DOCK8: variants seen among roughly 807,000 people sequenced by gnomAD.
DOCK8 encodes dedicator of cytokinesis protein 8.
Under a neutral mutation model 245.6 loss-of-function variants are expected in DOCK8, and 141 were observed. The ratio of observed to expected loss-of-function variants is 0.57; its 90% CI spans 0.50 to 0.66. The LOEUF (loss-of-function observed/expected upper bound fraction) is 0.66. Among genes scored for constraint, DOCK8 ranks in the 30% least tolerant of loss-of-function variants. The pLI, the probability that DOCK8 is intolerant of heterozygous loss-of-function variation, is 0.00. For missense variants in DOCK8, 2,965 were observed against 2,603.4 expected (o/e 1.14, Z -3.02); for synonymous variants, 1,168 against 970.2 (o/e 1.20, Z -3.79).
At chr9:367,302 G>C (rs2053052410) in intron 14 of DOCK8, among the ~76,000 whole-genome samples, 1 of 152,020 alleles carries the variant, frequency 6.6e-6, no homozygotes, top group Admixed American at 6.6e-5. Flanking sequence ...CTGTGTCCTA[G>C]GCACTGTTCT....
At position 328,006 on chromosome 9, in the gene DOCK8, T is replaced by C. The variant is rs2296828; in HGVS notation, c.895-16T>C. On this transcript the variant is annotated splice_polypyrimidine_tract_variant and intron_variant, in intron 8 of 47. Transcript: ENST00000432829. Reference sequence around the variant, plus strand: ...AACAGGTCTAACTTATATTTCACTTTGCTGCTCATTTACAGATCTCAGAAA... The same window carrying C: ...AACAGGTCTAACTTATATTTCACTTCGCTGCTCATTTACAGATCTCAGAAA... 0.68 allele frequency: 1,101,465 copies of C among 1,610,546 alleles called. 377,736 individuals are homozygous for C. Among genetic ancestry groups the C allele is most frequent in the South Asian group, 0.77 (69,658 of 90,974 alleles).
At chr9:431,526 A>G (rs923459695) in intron 36 of DOCK8, among the ~76,000 whole-genome samples, 2 of 151,810 alleles carry the variant, frequency 1.3e-5, no homozygotes, top group African/African-American at 4.8e-5. Context: ...TTATTTATTT[A>G]GAGACAGGGT....
chr9:287,858 A>G (rs2048884196), intron 3 of DOCK8, among the ~76,000 whole-genome samples: 1 of 152,152 alleles, frequency 6.6e-6, no homozygotes, highest in Non-Finnish European at 1.5e-5. Flanking sequence ...ATATGGTCAG[A>G]ATCTTGGAAA....
At chr9:322,662 G>A (rs534702009) in intron 7 of DOCK8, among the ~76,000 whole-genome samples, 10 of 152,042 alleles carry the variant, frequency 6.6e-5, no homozygotes, top group South Asian at 2.1e-4. Flanking sequence ...TTTCTTTCTC[G>A]GAACCACAGA....
chr9:300,629 T>C (rs1236811201), intron 4 of DOCK8, among the ~76,000 whole-genome samples: 2 of 149,390 alleles, frequency 1.3e-5, no homozygotes, highest in Non-Finnish European at 3.0e-5. Context: ...AGAAGATCGA[T>C]CCAAATAAGC....
At chr9:410,699 A>G (rs1181218039) in intron 28 of DOCK8, among the ~76,000 whole-genome samples, 1 of 152,244 alleles carries the variant, frequency 6.6e-6, no homozygotes, top group Non-Finnish European at 1.5e-5. Flanking sequence ...AAGCAGGAAG[A>G]TGGCAGGGAA....
intron 1 of DOCK8, 42 bp downstream of exon 1, chr9:215,071 C>T: frequency 1.3e-6 from 2 of 1,545,406 alleles, no homozygotes; most frequent in South Asian, 1.2e-5. Flanking sequence ...GCCGGACAGC[C>T]CAGCGCTGGT....
chr9:314,148 C>G (rs755343724), intron 6 of DOCK8: 1 of 152,220 alleles, frequency 6.6e-6, no homozygotes, highest in Admixed American at 6.5e-5. Flanking sequence ...TGTTGGGACA[C>G]ATAACTGAAA....
intron 1 of DOCK8, among the ~76,000 whole-genome samples, chr9:239,902 T>G (rs984073502): frequency 6.6e-6 from 1 of 152,252 alleles, no homozygotes; most frequent in African/African-American, 2.4e-5. Flanking sequence ...AACATTCCAT[T>G]GTAAGGATAC....
intron 1 of DOCK8, among the ~76,000 whole-genome samples, chr9:233,794 T>A (rs2047179617): frequency 6.6e-6 from 1 of 152,068 alleles, no homozygotes; most frequent in African/African-American, 2.4e-5. Context: ...TGTGTGTCTC[T>A]GCACGTGAGA....
At chr9:452,314 G>C (rs2057494474) in intron 46 of DOCK8, among the ~76,000 whole-genome samples, 197 bp downstream of exon 46, 1 of 152,132 alleles carries the variant, frequency 6.6e-6, no homozygotes, top group South Asian at 2.1e-4. Flanking sequence ...TGATCCTGAT[G>C]CACACTGAAG....
chr9:338,965 C>G (rs375428541), intron 12 of DOCK8, 41 bp from the exon 13 acceptor site: 2 of 1,559,970 alleles, frequency 1.3e-6, no homozygotes, highest in African/African-American at 2.7e-5. Flanking sequence ...ACCCAAGAGT[C>G]AAAGGTGCAT....
intron 24 of DOCK8, among the ~76,000 whole-genome samples, chr9:392,660 A>ATT (rs201977922): frequency 3.3e-5 from 5 of 151,546 alleles, no homozygotes. Flanking sequence ...CAACACCAGA[A>ATT]TTTTTTTTTC....
In DOCK8 at chr9:463,584, C is replaced by G. The variant is rs747086561; in HGVS notation, c.6136C>G (p.Leu2046Val). Reference protein sequence around the residue: ...TADQREYQQELKKNYNKLKEN... With the variant: ...TADQREYQQEVKKNYNKLKEN... ...AGACCAGAGGGAATATCAGCAGGAA[C>G]TCAAAAAGAACTATAACAAGCTAAA... Residue 2046 changes from leucine (L) to valine (V), a missense_variant, in exon 47 of 48, where the codon CTC becomes GTC. This residue lies in a region of DOCK8 where 134 missense variants were observed against 128.1 expected (regional missense o/e 1.05). Transcript: ENST00000432829. 6.2e-7 allele frequency: 1 copy of G among 1,614,096 alleles called. No homozygotes were observed. Among genetic ancestry groups the G allele is most frequent in the South Asian group, 1.1e-5 (1 of 91,084 alleles).
intron 2 of DOCK8, among the ~76,000 whole-genome samples, chr9:276,559 A>G (rs983913993): frequency 1.3e-5 from 2 of 152,150 alleles, no homozygotes; most frequent in African/African-American, 4.8e-5. Flanking sequence ...TCTAGATGTG[A>G]TGATAAACTT....
At position 420,998 on chromosome 9, in the gene DOCK8, G is replaced by A. The variant is rs2056252853; in HGVS notation, c.4073G>A (p.Arg1358Lys). ...KVSTQVLQKS[R>K]DVKARLEEAL... Reference sequence around the variant, plus strand: ...AGTACCCAAGTCCTGCAGAAGTCAAGGGATGTCAAGGCCCGGCTGGAAGAG... The same window carrying A: ...AGTACCCAAGTCCTGCAGAAGTCAAAGGATGTCAAGGCCCGGCTGGAAGAG... Residue 1358 changes from arginine to lysine, a missense_variant, in exon 32 of 48, where the codon AGG (arginine) becomes AAG (lysine). Coordinates refer to ENST00000432829, the MANE Select transcript of DOCK8 (RefSeq NM_203447.4). The A allele has an allele frequency of 1.2e-6, 2 of 1,614,200 alleles. No individual in the cohort carries two copies. The highest frequency in any genetic ancestry group is 1.7e-6 in the Non-Finnish European group (2 of 1,180,036).
At chr9:316,459 A>G (rs1260637389) in intron 6 of DOCK8, among the ~76,000 whole-genome samples, 1 of 152,210 alleles carries the variant, frequency 6.6e-6, no homozygotes, top group Non-Finnish European at 1.5e-5. Flanking sequence ...ACTAAATTTC[A>G]TATACCTAGC....
At chr9:268,303 A>G (rs1563854746) in intron 1 of DOCK8, 1 of 152,234 alleles carries the variant, frequency 6.6e-6, no homozygotes, top group Admixed American at 6.5e-5. Context: ...GAGTGCTATT[A>G]GGTATTGGGT....
intron 1 of DOCK8, among the ~76,000 whole-genome samples, chr9:226,020 T>A (rs576403396): frequency 6.6e-6 from 1 of 152,204 alleles, no homozygotes; most frequent in Admixed American, 6.5e-5. Context: ...ATGGAAAAAA[T>A]TTAAATGTTA....
Sources: gnomAD v4.1 joint callset for allele counts (sites outside exome capture counted in the v4.1 genomes callset) on GRCh38, gnomAD v4.1.1 for gene constraint, gnomAD v4.1.1 regional missense constraint, MANE v1.5 for transcripts, NCBI Gene and HGNC (gene_info 2026-07-23, HGNC 2026-07-21) for gene names.